NCKAP1L: variants seen among roughly 807,000 people sequenced by gnomAD.
NCKAP1L encodes nck-associated protein 1-like.
Under a neutral mutation model 139.2 loss-of-function variants are expected in NCKAP1L, and 53 were observed. The ratio of observed to expected loss-of-function variants is 0.38; its 90% CI spans 0.31 to 0.48. The LOEUF (loss-of-function observed/expected upper bound fraction) is 0.48, where lower values mean the gene tolerates loss of function less well. NCKAP1L is among the 20% of genes least tolerant of loss of function. NCKAP1L has a pLI of 0.98. For synonymous variants in NCKAP1L, 468 were observed against 499.7 expected (o/e 0.94, Z 0.85); for missense variants, 1,151 against 1,381.9 (o/e 0.83, Z 2.65).
chr12:54,510,585 A>C (rs1411106115), intron 7 of NCKAP1L: 2 of 155,902 alleles, frequency 1.3e-5, no homozygotes, highest in African/African-American at 4.8e-5. Flanking sequence ...ATCTTGGCTC[A>C]CTGCAACCTC....
intron 9 of NCKAP1L, among the ~76,000 whole-genome samples, chr12:54,514,746 G>C (rs577075206): frequency 6.6e-6 from 1 of 152,292 alleles, no homozygotes; most frequent in African/African-American, 2.4e-5. Context: ...ATTATCAAGA[G>C]CCTATAAGAA....
At chr12:54,530,533 T>C (rs1275977241) in intron 22 of NCKAP1L, among the ~76,000 whole-genome samples, 1 of 152,134 alleles carries the variant, frequency 6.6e-6, no homozygotes, top group African/African-American at 2.4e-5. Context: ...ATTTGGACAG[T>C]GGGACACTAA....
At chr12:54,508,352 C>A in intron 4 of NCKAP1L, 37 bp from the exon 5 acceptor site, 1 of 1,611,100 alleles carries the variant, frequency 6.2e-7, no homozygotes, top group South Asian at 1.1e-5. Context: ...GTTAATTGGC[C>A]ATGCTGTCCT....
At chr12:54,512,236 A>G in intron 9 of NCKAP1L, 131 bp downstream of exon 9, 5 of 923,168 alleles carry the variant, frequency 5.4e-6, no homozygotes, top group South Asian at 3.6e-5. Context: ...AGAAATATAC[A>G]TTAAATACCT....
intron 1 of NCKAP1L, among the ~76,000 whole-genome samples, chr12:54,498,208 G>A (rs914473667): frequency 3.3e-5 from 5 of 152,114 alleles, no homozygotes; most frequent in African/African-American, 9.7e-5. Flanking sequence ...AAGGTCTGGG[G>A]TCCAACCTTC....
Position 54,526,524 on chromosome 12 carries a change from C to T in NCKAP1L, c.2157-4C>T, listed in dbSNP as rs1194766936. On this transcript the variant is annotated splice_polypyrimidine_tract_variant and splice_region_variant and intron_variant, in intron 20 of 30. Coordinates refer to ENST00000293373, the MANE Select transcript of NCKAP1L (RefSeq NM_005337.5). ...TTCTAATTTTTTTTTTTTAAATCAC[C>T]TAGAGCCATTGTGTGGCTGGCTGGC... 1 of 1,611,102 alleles carries T rather than the reference C, an allele frequency of 6.2e-7. No homozygotes were observed. Among genetic ancestry groups the T allele is most frequent in the African/African-American group, 1.3e-5 (1 of 74,812 alleles).
chr12:54,505,951 G>A (rs1035799312), intron 3 of NCKAP1L, among the ~76,000 whole-genome samples: 12 of 152,096 alleles, frequency 7.9e-5, no homozygotes, highest in African/African-American at 2.9e-4. Flanking sequence ...CGGGAGCCAC[G>A]GCACCCGGCC....
chr12:54,529,597 C>T (rs1957052269), intron 22 of NCKAP1L, among the ~76,000 whole-genome samples: 1 of 152,198 alleles, frequency 6.6e-6, no homozygotes, highest in Admixed American at 6.5e-5. Context: ...CCGCCTCCAT[C>T]AGTAAGCTGA....
At chr12:54,512,188 C>A in intron 9 of NCKAP1L, 83 bp downstream of exon 9, 1 of 1,411,672 alleles carries the variant, frequency 7.1e-7, no homozygotes, top group South Asian at 1.3e-5. Flanking sequence ...CACAAGTGTT[C>A]CCAGATATAG....
chr12:54,542,780 G>A lies in NCKAP1L; in HGVS notation c.*95G>A. The A allele has an allele frequency of 1.5e-6, 1 of 666,988 alleles. No individual in the cohort carries two copies. The highest frequency in any genetic ancestry group is 2.7e-6 in the Non-Finnish European group (1 of 373,058). 41.3% of individuals were successfully genotyped at this position (666,988 alleles called of 1,614,324 possible). A position where few individuals can be genotyped will look rare whatever the true frequency, so the allele number is the denominator to read the frequency against. On this transcript the variant is annotated 3_prime_UTR_variant, in exon 31 of 31. Coordinates refer to ENST00000293373, the MANE Select transcript of NCKAP1L (RefSeq NM_005337.5). The stretch of plus-strand genomic sequence containing the variant: ...CACTTTCGCAGGGGGTGGGAATGGG[G>A]TGGGGTCACTAAGGAGAGAGGGTCA...
At chr12:54,534,532 G>T (rs1172664589) in intron 26 of NCKAP1L, among the ~76,000 whole-genome samples, 1 of 152,140 alleles carries the variant, frequency 6.6e-6, no homozygotes, top group Non-Finnish European at 1.5e-5. Context: ...GCTGGCTTTG[G>T]GCTGAAGTAA....
At chr12:54,505,932 G>A (rs898019428) in intron 3 of NCKAP1L, among the ~76,000 whole-genome samples, 2 of 152,224 alleles carry the variant, frequency 1.3e-5, no homozygotes, top group African/African-American at 4.8e-5. Flanking sequence ...AAAGTGCTGG[G>A]ATTACAGGCG....
Position 54,516,279 on chromosome 12 carries a change from C to T in NCKAP1L, c.982C>T (p.His328Tyr). Residue 328 changes from histidine (H) to tyrosine (Y), a missense_variant, in exon 10 of 31, where the codon CAT becomes TAT. His to Tyr is a moderately conservative substitution (Grantham distance 83, BLOSUM62 2). Coordinates refer to ENST00000293373, the MANE Select transcript of NCKAP1L (RefSeq NM_005337.5). ...GGCAGACATAAAGGAGAGCAAGGAACATGTAATTGCAAACAGGTAAAGGGT... is the reference window on the plus strand; with the variant it reads ...GGCAGACATAAAGGAGAGCAAGGAATATGTAATTGCAAACAGGTAAAGGGT... ...RVADIKESKE[H>Y]VIANSGQFHC... 6.2e-7 allele frequency: 1 copy of T among 1,613,912 alleles called. No individual in the cohort carries two copies. The highest frequency in any genetic ancestry group is 8.5e-7 in the Non-Finnish European group (1 of 1,179,954).
At chr12:54,505,957 C>T (rs546250853) in intron 3 of NCKAP1L, among the ~76,000 whole-genome samples, 10 of 152,314 alleles carry the variant, frequency 6.6e-5, no homozygotes, top group East Asian at 1.9e-4. Context: ...CCACGGCACC[C>T]GGCCTCAGTC....
intron 30 of NCKAP1L, among the ~76,000 whole-genome samples, chr12:54,540,184 G>T (rs1957145900): frequency 6.6e-6 from 1 of 152,212 alleles, no homozygotes; most frequent in Admixed American, 6.5e-5. Context: ...GTGGTATGTG[G>T]ACCTCCATCT....
At chr12:54,539,882 G>A (rs980342232) in intron 30 of NCKAP1L, among the ~76,000 whole-genome samples, 5 of 152,148 alleles carry the variant, frequency 3.3e-5, no homozygotes, top group African/African-American at 4.8e-5. Flanking sequence ...CTACTGAGGC[G>A]GACCGTCCTA....
At chr12:54,512,157 C>T (rs771131330) in intron 9 of NCKAP1L, 52 bp downstream of exon 9, 9 of 1,579,788 alleles carry the variant, frequency 5.7e-6, no homozygotes, top group Non-Finnish European at 7.8e-6. Context: ...TTTAGCCCCT[C>T]CAATATCCTT....
At chr12:54,503,813 A>AT (rs1031642214) in intron 3 of NCKAP1L, among the ~76,000 whole-genome samples, 49 of 151,674 alleles carry the variant, frequency 3.2e-4, no homozygotes, top group African/African-American at 1.2e-3. Context: ...TAATTTTTGT[A>AT]TTTTTAGTAG....
In NCKAP1L at chr12:54,500,569, A is replaced by T; in HGVS notation, c.250A>T (p.Ile84Leu). The change falls in exon 3 of 31, where the codon ATA (isoleucine) becomes TTA (leucine). Residue 84 changes from isoleucine to leucine, a missense_variant. Ile to Leu is a conservative substitution (Grantham distance 5). Transcript: ENST00000293373. ...LGPVHREKAE[I>L]IRFLTNYYQS... ...ACCAGTACATCGTGAAAAAGCCGAG[A>T]TAATTAGATTCCTCACCAACTACTA... 6.2e-7 allele frequency: 1 copy of T among 1,613,864 alleles called. No individual in the cohort carries two copies.
Sources: gnomAD v4.1 joint callset for allele counts (sites outside exome capture counted in the v4.1 genomes callset) on GRCh38, gnomAD v4.1.1 for gene constraint, MANE v1.5 for transcripts, NCBI Gene and HGNC (gene_info 2026-07-23, HGNC 2026-07-21) for gene names.